The following ODC1 variants were observed in gnomAD, a reference collection of about 807,000 sequenced individuals.
The protein encoded by ODC1 is ornithine decarboxylase 1, also known as ornithine decarboxylase.
ODC1 carries 18 observed loss-of-function variants against 41.5 expected under a neutral mutation model. That is an observed-to-expected ratio of 0.43 (90% CI 0.30 to 0.64). ODC1 has a LOEUF of 0.64. ODC1 is among the 30% of genes least tolerant of loss of function. ODC1 has a pLI of 0.11. For synonymous variants in ODC1, 218 were observed against 211.6 expected, an observed-to-expected ratio of 1.03 and a Z score of -0.26; for missense variants, 504 against 589.0, an observed-to-expected ratio of 0.86 and a Z score of 1.49.
In ODC1 at chr2:10,440,631, G is replaced by GA; in HGVS notation, c.*92dup. The stretch of plus-strand genomic sequence containing the variant: ...ATCATGGCGACCCTACTCTTACAAA[G>GA]ACATTTCAAAACTAGCAGTAATTAA... On this transcript the variant is annotated 3_prime_UTR_variant, in exon 12 of 12. Coordinates refer to ENST00000234111, the MANE Select transcript of ODC1 (RefSeq NM_002539.3). 2 of 1,359,548 alleles carry GA rather than the reference G, an allele frequency of 1.5e-6. No individual in the cohort carries two copies. Among genetic ancestry groups the GA allele is most frequent in the South Asian group, 2.6e-5 (2 of 75,910 alleles). 84.2% of individuals were successfully genotyped at this position (1,359,548 alleles called of 1,614,324 possible).
intron 1 of ODC1, chr2:10,447,385 T>C (rs962038461): frequency 1.3e-5 from 2 of 152,280 alleles, no homozygotes; most frequent in South Asian, 2.1e-4. Flanking sequence ...TTCTTTGTCC[T>C]CCCCAGACAT....
In ODC1 at chr2:10,444,927, T is replaced by A; in HGVS notation, c.102+4A>T. 6.2e-7 allele frequency: 1 copy of A among 1,604,756 alleles called. No individual in the cohort carries two copies. Among genetic ancestry groups the A allele is most frequent in the Non-Finnish European group, 8.5e-7 (1 of 1,171,768 alleles). On this transcript the variant is annotated splice_donor_region_variant and intron_variant, in intron 3 of 11. Transcript: ENST00000234111. ...CACTGCCAGCATGGGCCTCATATAC[T>A]TACAGAAGAAGAAACTTCATTAATT...
At chr2:10,442,262 C>T in intron 8 of ODC1, 88 bp from the exon 9 acceptor site, 1 of 1,310,088 alleles carries the variant, frequency 7.6e-7, no homozygotes, top group Non-Finnish European at 1.1e-6. Flanking sequence ...TGTGACATGA[C>T]ATCATGAGAC....
Position 10,444,005 on chromosome 2 carries a change from A to G in ODC1, c.449+90T>C, listed in dbSNP as rs1671929141. ...TCAACTACTTTCTACTAAAGTATAG[A>G]AATATAATAATCAGAAATTTAAGTT... On this transcript the variant is annotated intron_variant, in intron 5 of 11. Coordinates refer to ENST00000234111, the MANE Select transcript of ODC1 (RefSeq NM_002539.3). 2.0e-6 allele frequency: 3 copies of G among 1,480,752 alleles called. No individual in the cohort carries two copies. The Admixed American group carries it at 6.7e-5, about 33-fold the overall frequency. 91.7% of individuals were successfully genotyped at this position (1,480,752 alleles called of 1,614,324 possible). A position where few individuals can be genotyped will look rare whatever the true frequency, so the allele number is the denominator to read the frequency against.
chr2:10,446,927 G>C (rs1572148440), intron 1 of ODC1: 1 of 164,292 alleles, frequency 6.1e-6, no homozygotes, highest in East Asian at 1.9e-4. Flanking sequence ...ATCACCCCTC[G>C]GAGAAGGGAA....
At chr2:10,447,131 C>A (rs964194007) in intron 1 of ODC1, among the ~76,000 whole-genome samples, 1 of 152,108 alleles carries the variant, frequency 6.6e-6, no homozygotes, top group African/African-American at 2.4e-5. Flanking sequence ...TTTTAATACG[C>A]CAATACTTTT....
At chr2:10,447,273 T>C (rs764383152) in intron 1 of ODC1, among the ~76,000 whole-genome samples, 18 of 152,376 alleles carry the variant, frequency 1.2e-4, no homozygotes, top group Admixed American at 3.9e-4. Flanking sequence ...AAGAGGATAA[T>C]GTTAGAAGAG....
intron 1 of ODC1, chr2:10,446,695 G>A: frequency 2.4e-6 from 1 of 421,128 alleles, no homozygotes; most frequent in South Asian, 1.7e-5. Flanking sequence ...TTTCTGCCAG[G>A]TAGAGCTTTC....
At chr2:10,445,102 G>C in intron 2 of ODC1, 53 bp from the exon 3 acceptor site, 1 of 923,862 alleles carries the variant, frequency 1.1e-6, no homozygotes, top group Admixed American at 1.8e-5. Context: ...AGAAGCCTTA[G>C]CAATACAATT....
At chr2:10,440,928 T>C in intron 11 of ODC1, 60 bp from the exon 12 acceptor site, 2 of 1,563,040 alleles carry the variant, frequency 1.3e-6, no homozygotes, top group Admixed American at 3.7e-5. Flanking sequence ...GGCATGAGAG[T>C]ATTTACTTCC....
rs1161140097 is a variant in ODC1, at chr2:10,441,851, T to C, written c.992A>G (p.Tyr331Cys). ...AAGGGGCTTTACATGTGCGTGGTCATAGAGTATGCAATTAAATGATCCATA... is the reference window on the plus strand; with the variant it reads ...AAGGGGCTTTACATGTGCGTGGTCACAGAGTATGCAATTAAATGATCCATA... ...GVYGSFNCIL[Y>C]DHAHVKPLLQ... The change falls in exon 10 of 12, where the codon TAT (tyrosine) becomes TGT (cysteine). Residue 331 changes from tyrosine (Y) to cysteine (C), a missense_variant. This residue lies in a region of ODC1 where 447 missense variants were observed against 524.4 expected (regional missense o/e 0.85). Transcript: ENST00000234111. 3.7e-6 allele frequency: 6 copies of C among 1,614,160 alleles called. No homozygotes were observed. Among genetic ancestry groups the C allele is most frequent in the East Asian group, 2.2e-5 (1 of 44,892 alleles).
Position 10,448,130 on chromosome 2 carries a change from C to A in ODC1, c.-137G>T, listed in dbSNP as rs1672097979. ...CCGGGGAGTCCCTCACCTCAGAGCG[C>A]CCAGGCGCCGCAGGCCAGCCCCATG... On this transcript the variant is annotated 5_prime_UTR_variant, in exon 1 of 12. Transcript: ENST00000234111. 5.8e-6 allele frequency: 1 copy of A among 172,988 alleles called. No individual in the cohort carries two copies. Among genetic ancestry groups the A allele is most frequent in the South Asian group, 2.0e-4 (1 of 5,040 alleles). 10.7% of individuals were successfully genotyped at this position (172,988 alleles called of 1,614,324 possible).
chr2:10,447,518 C>G (rs1348697934), intron 1 of ODC1: 1 of 152,258 alleles, frequency 6.6e-6, no homozygotes, highest in African/African-American at 2.4e-5. Flanking sequence ...CTAAGCCAAG[C>G]TTTTCCGAAA....
At position 10,442,136 on chromosome 2, in the gene ODC1, A is replaced by G. The variant is rs115291858; in HGVS notation, c.789T>C (p.Phe263=). 20 of 1,613,596 alleles carry G rather than the reference A, an allele frequency of 1.2e-5. No homozygotes were observed. The East Asian group carries it at 3.6e-4, about 29-fold the overall frequency. ...GVINPALDKY[F]PSDSGVRIIA... is the part of the protein sequence containing the mutation. ...TGATTCTCACTCCAGAGTCTGACGG[A>G]AAGTATTTGTCCAACGCTGGGTTGA... is the stretch of plus-strand genomic sequence containing the variant. The change falls in exon 9 of 12, where the codon TTT becomes TTC. Residue 263 remains phenylalanine (F), a synonymous_variant. Coordinates refer to ENST00000234111, the MANE Select transcript of ODC1 (RefSeq NM_002539.3).
Position 10,443,712 on chromosome 2 carries a change from CA to C in ODC1, c.573del (p.Val192LeufsTer7), listed in dbSNP as rs1365539118. ...CCACCAAAATCTCACCTGACACCAA[CA>C]ACATCGATATTTAGCTCTTTCGCCC... ...LERAKELNID[V>X]VGVSFHVGSG... On this transcript the variant is annotated frameshift_variant, in exon 6 of 12. Coordinates refer to ENST00000234111, the MANE Select transcript of ODC1 (RefSeq NM_002539.3). LOFTEE classifies it high-confidence loss of function. The C allele has an allele frequency of 3.1e-6, 5 of 1,614,040 alleles. No individual in the cohort carries two copies. Among genetic ancestry groups the C allele is most frequent in the African/African-American group, 1.3e-5 (1 of 74,926 alleles).
At position 10,444,133 on chromosome 2, in the gene ODC1, A is replaced by T; in HGVS notation, c.411T>A (p.Val137=). Residue 137 remains valine (V), a synonymous_variant, in exon 5 of 12, where the codon GTT becomes GTA. Transcript: ENST00000234111. Reference sequence around the variant, plus strand: ...GTGCTCTGGCAACTTTCATCAACTCAACTTCACTATCAAAAGTCATCATCT... The same window carrying T: ...GTGCTCTGGCAACTTTCATCAACTCTACTTCACTATCAAAAGTCATCATCT... The part of the protein sequence containing the change: ...GVQMMTFDSE[V]ELMKVARAHP... 1 of 1,607,576 alleles carries T rather than the reference A, an allele frequency of 6.2e-7. No individual in the cohort carries two copies. The highest frequency in any genetic ancestry group is 8.5e-7 in the Non-Finnish European group (1 of 1,178,084).
At position 10,443,808 on chromosome 2, in the gene ODC1, A is replaced by C. The variant is rs367574241; in HGVS notation, c.478T>G (p.Ser160Ala). The change falls in exon 6 of 12, where the codon TCC (serine) becomes GCC (alanine). Residue 160 changes from serine (S) to alanine (A), a missense_variant. Ser to Ala is a moderately conservative substitution (Grantham distance 99). Around this residue, in one of 3 missense-constraint regions of ODC1, gnomAD observed 447 missense variants for 524.4 expected, o/e 0.85. Coordinates refer to ENST00000234111, the MANE Select transcript of ODC1 (RefSeq NM_002539.3). ...KLVLRIATDD[S>A]KAVCRLSVKF... ...ACACTGAGACGACAGACTGCTTTGG[A>C]ATCATCAGTGGCAATCCGCAAAACC... 1.4e-5 allele frequency: 23 copies of C among 1,614,044 alleles called. No individual in the cohort carries two copies. The African/African-American group carries it at 3.1e-4, about 22-fold the overall frequency.
In ODC1 at chr2:10,445,136, A is replaced by C; in HGVS notation, c.-18+19T>G. On this transcript the variant is annotated intron_variant, in intron 2 of 11. Transcript: ENST00000234111. ...TTCTTAAGATTAACCTGCAACATAA[A>C]TGTAAACTGAATACTTACATGGAAA... The C allele has an allele frequency of 1.5e-6, 1 of 685,190 alleles. No homozygotes were observed. Among genetic ancestry groups the C allele is most frequent in the Non-Finnish European group, 2.6e-6 (1 of 383,980 alleles). 42.4% of individuals were successfully genotyped at this position (685,190 alleles called of 1,614,324 possible). A position where few individuals can be genotyped will look rare whatever the true frequency, so the allele number is the denominator to read the frequency against.
intron 3 of ODC1, 117 bp from the exon 4 acceptor site, chr2:10,444,764 C>G: frequency 1.1e-6 from 1 of 916,800 alleles, no homozygotes; most frequent in Non-Finnish European, 1.7e-6. Context: ...AGTCTAGCCA[C>G]TGATATGAGT....
Sources: gnomAD v4.1 joint callset for allele counts (sites outside exome capture counted in the v4.1 genomes callset) on GRCh38, gnomAD v4.1.1 for gene constraint, gnomAD v4.1.1 regional missense constraint, MANE v1.5 for transcripts, NCBI Gene and HGNC (gene_info 2026-07-23, HGNC 2026-07-21) for gene names.